Variants in PEAK1 observed in about 807,000 individuals in gnomAD.
PEAK1 encodes pseudopodium enriched atypical kinase 1, also known as inactive tyrosine-protein kinase PEAK1.
Under a neutral mutation model 124.7 loss-of-function variants are expected in PEAK1, and 54 were observed. The observed-to-expected ratio is 0.43, with a 90% CI of 0.35 to 0.54. The LOEUF is 0.54. Ranked by LOEUF, PEAK1 falls within the 20% of genes least tolerant of loss-of-function variation. The probability of loss-of-function intolerance (pLI) is 0.01; values close to 1 mark genes in which losing one functional copy is unlikely to be tolerated. For synonymous variants in PEAK1, 719 were observed against 760.0 expected (o/e 0.95, Z 0.89); for missense variants, 2,046 against 2,134.5 (o/e 0.96, Z 0.82).
intron 2 of PEAK1, chr15:77,335,333 A>C: frequency 5.1e-6 from 5 of 985,402 alleles, no homozygotes; most frequent in Non-Finnish European, 6.0e-6. Flanking sequence ...TCTAGCTTCT[A>C]ATACACATGC....
intron 6 of PEAK1, among the ~76,000 whole-genome samples, chr15:77,242,721 T>C (rs1170254136): frequency 6.6e-6 from 1 of 152,186 alleles, no homozygotes; most frequent in Non-Finnish European, 1.5e-5. Flanking sequence ...GTCTTATCCT[T>C]GGAATCAGTT....
chr15:77,407,241 A>G (rs1249078202), intron 1 of PEAK1, among the ~76,000 whole-genome samples: 1 of 152,202 alleles, frequency 6.6e-6, no homozygotes, highest in African/African-American at 2.4e-5. Context: ...ACCCAAAAGC[A>G]AGTGCAACAA....
intron 6 of PEAK1, among the ~76,000 whole-genome samples, chr15:77,189,356 T>TGC (rs2057714120): frequency 6.6e-6 from 1 of 152,186 alleles, no homozygotes; most frequent in Non-Finnish European, 1.5e-5. Context: ...TGCATGCACG[T>TGC]ATGCATGCAT....
At chr15:77,168,933 G>A (rs776460860) in intron 7 of PEAK1, among the ~76,000 whole-genome samples, 2 of 152,130 alleles carry the variant, frequency 1.3e-5, no homozygotes, top group African/African-American at 4.8e-5. Flanking sequence ...TTGCTAATTA[G>A]CAGCATGAAA....
Position 77,181,443 on chromosome 15 carries a change from C to T in PEAK1, c.484G>A (p.Ala162Thr). The T allele has an allele frequency of 3.1e-6, 5 of 1,614,148 alleles. No individual in the cohort carries two copies. The highest frequency in any genetic ancestry group is 4.2e-6 in the Non-Finnish European group (5 of 1,180,012). The change falls in exon 7 of 10, where the codon GCC (alanine) becomes ACC (threonine). Residue 162 changes from alanine (A) to threonine (T), a missense_variant. Transcript: ENST00000682557. ...VLKEIAGLDTAPQIRGNETNS... is the reference protein window; with the variant it reads ...VLKEIAGLDTTPQIRGNETNS... The stretch of plus-strand genomic sequence containing the variant: ...GTTTCATTTCCTCTTATCTGAGGGG[C>T]AGTATCCAAGCCTGCTATCTCCTTT...
At chr15:77,163,068 G>A (rs1428282022) in intron 7 of PEAK1, among the ~76,000 whole-genome samples, 2 of 152,196 alleles carry the variant, frequency 1.3e-5, no homozygotes, top group Non-Finnish European at 2.9e-5. Context: ...TAACTATGGT[G>A]TTGATATCTA....
At chr15:77,198,917 A>T (rs1394172264) in intron 6 of PEAK1, among the ~76,000 whole-genome samples, 2 of 152,210 alleles carry the variant, frequency 1.3e-5, no homozygotes. Flanking sequence ...TATCTGCCTG[A>T]GCAGGCTTTT....
intron 2 of PEAK1, among the ~76,000 whole-genome samples, chr15:77,309,653 CTT>C (rs1450497506): frequency 6.6e-6 from 1 of 152,084 alleles, no homozygotes. Flanking sequence ...TGTCCCCACC[CTT>C]TATTTAATCC....
intron 1 of PEAK1, chr15:77,371,428 C>T: frequency 1.0e-6 from 1 of 980,550 alleles, no homozygotes; most frequent in African/African-American, 1.7e-5. Flanking sequence ...ACAATTATTT[C>T]AAAACCATCT....
intron 2 of PEAK1, among the ~76,000 whole-genome samples, chr15:77,332,831 A>G (rs2065974953): frequency 6.6e-6 from 1 of 151,798 alleles, no homozygotes. Flanking sequence ...ATTTATCAGT[A>G]GATTTTAAAA....
chr15:77,127,574 G>A (rs1190027127), intron 9 of PEAK1, among the ~76,000 whole-genome samples: 3 of 152,188 alleles, frequency 2.0e-5, no homozygotes, highest in Admixed American at 1.3e-4. Flanking sequence ...TTGTCATAAC[G>A]TGGCAAAGAA....
At chr15:77,355,865 T>C (rs2067486531) in intron 2 of PEAK1, 2 of 985,184 alleles carry the variant, frequency 2.0e-6, no homozygotes, top group Admixed American at 6.2e-5. Flanking sequence ...CTGGAAAAGT[T>C]ACAGCCCTGG....
At chr15:77,132,870 A>G (rs1444541887) in intron 9 of PEAK1, 135 bp downstream of exon 9, 2 of 800,970 alleles carry the variant, frequency 2.5e-6, no homozygotes, top group Non-Finnish European at 3.9e-6. Flanking sequence ...TTAATCTAGT[A>G]TCTGGTAAGA....
At chr15:77,251,732 C>G (rs2060892065) in intron 6 of PEAK1, among the ~76,000 whole-genome samples, 2 of 152,154 alleles carry the variant, frequency 1.3e-5, no homozygotes, top group African/African-American at 4.8e-5. Flanking sequence ...GGACAGCAGC[C>G]TTCAATCATG....
chr15:77,307,627 T>C (rs1284414755), intron 2 of PEAK1, among the ~76,000 whole-genome samples: 1 of 152,050 alleles, frequency 6.6e-6, no homozygotes, highest in East Asian at 1.9e-4. Context: ...CTGTATACAA[T>C]TTCCTCTCTA....
At chr15:77,336,169 A>G (rs546021699) in intron 2 of PEAK1, 1 of 985,398 alleles carries the variant, frequency 1.0e-6, no homozygotes, top group Admixed American at 6.1e-5. Context: ...ACCTGCACCT[A>G]CTTGTTCTAC....
At chr15:77,119,703 T>C (rs898922683) in intron 9 of PEAK1, among the ~76,000 whole-genome samples, 1 of 152,232 alleles carries the variant, frequency 6.6e-6, no homozygotes, top group African/African-American at 2.4e-5. Flanking sequence ...TGATTCATCA[T>C]GCACAACCTG....
At chr15:77,346,890 A>G (rs2141391536) in intron 2 of PEAK1, 1 of 399,174 alleles carries the variant, frequency 2.5e-6, no homozygotes, top group South Asian at 1.0e-4. Flanking sequence ...TTAATGAGAA[A>G]TAACAGCTAC....
At chr15:77,149,644 T>C (rs1215363724) in intron 8 of PEAK1, among the ~76,000 whole-genome samples, 1 of 152,204 alleles carries the variant, frequency 6.6e-6, no homozygotes, top group East Asian at 1.9e-4. Flanking sequence ...GTCAACTTTA[T>C]TACCTTTCCA....
Sources: allele counts gnomAD v4.1 joint callset (sites outside exome capture counted in the v4.1 genomes callset), GRCh38; gene constraint gnomAD v4.1.1; transcripts MANE v1.5; gene names NCBI Gene and HGNC (gene_info 2026-07-23, HGNC 2026-07-21).